The following SH3TC1 variants were observed in gnomAD, a reference collection of about 807,000 sequenced individuals.
SH3TC1 encodes SH3 domain and tetratricopeptide repeats 1.
Under a neutral mutation model 117.3 loss-of-function variants are expected in SH3TC1, and 135 were observed. The observed-to-expected ratio is 1.15, with a 90% CI of 1.00 to 1.33. The LOEUF (loss-of-function observed/expected upper bound fraction) is 1.33. Ranked by LOEUF, SH3TC1 falls within the 40% of genes most tolerant of loss-of-function variation. The probability of loss-of-function intolerance (pLI) is 0.00; values close to 1 mark genes in which losing one functional copy is unlikely to be tolerated. For missense variants in SH3TC1, 2,092 were observed against 1,794.3 expected, an observed-to-expected ratio of 1.17 and a Z score of -3.00; for synonymous variants, 898 against 816.9, an observed-to-expected ratio of 1.10 and a Z score of -1.69.
At chr4:8,211,238 T>A (rs1208619853) in intron 3 of SH3TC1, among the ~76,000 whole-genome samples, 1 of 40,448 alleles carries the variant, frequency 2.5e-5, no homozygotes. Context: ...GTTTCTCCCC[T>A]CTCCCTCCCT....
intron 8 of SH3TC1, 47 bp from the exon 9 acceptor site, chr4:8,219,288 C>A (rs1719660336): frequency 4.0e-6 from 6 of 1,501,494 alleles, no homozygotes; most frequent in Non-Finnish European, 3.6e-6. Flanking sequence ...CCCGCTCTGG[C>A]CCCCATTTGG....
rs1223600166 is a variant in SH3TC1 at position 8,209,388 on chromosome 4, G to C, written c.173-360G>C. Among the ~76,000 whole-genome samples, 6 of 152,216 alleles carry C rather than the reference G, an allele frequency of 3.9e-5. No individual in the cohort carries two copies. The highest frequency in any genetic ancestry group is 7.3e-5 in the Non-Finnish European group (5 of 68,038). On this transcript the variant is annotated intron_variant, in intron 2 of 17. Transcript: ENST00000245105. This position sits in a 1 kb window ranked among gnomAD's most constrained non-coding sequence, Gnocchi z 5.9. Reference sequence around the variant, plus strand: ...GGCCACAAGCCGAGGGACGTGTGCGGCCTCTTGAAGGCGAGGAGTGGATTC... The same window carrying C: ...GGCCACAAGCCGAGGGACGTGTGCGCCCTCTTGAAGGCGAGGAGTGGATTC...
At position 8,227,118 on chromosome 4, in the gene SH3TC1, T is replaced by A; in HGVS notation, c.1424T>A (p.Val475Glu). The change falls in exon 12 of 18, where the codon GTG (valine) becomes GAG (glutamate). Residue 475 changes from valine (V) to glutamate (E), a missense_variant. Coordinates refer to ENST00000245105, the MANE Select transcript of SH3TC1 (RefSeq NM_018986.5). ...GGTCTCTGTGCGGCATCCAGCGACG[T>A]GAGCTTGCAGGACCCCGAGGAGCCC... ...SWGLCAASSD[V>E]SLQDPEEPSF... 3 of 1,612,628 alleles carry A rather than the reference T, an allele frequency of 1.9e-6. No homozygotes were observed. Among genetic ancestry groups the A allele is most frequent in the Non-Finnish European group, 2.5e-6 (3 of 1,179,744 alleles).
rs1346202140 is a variant in SH3TC1, at chr4:8,227,000, A to G, written c.1306A>G (p.Ser436Gly). ...TGCAGAAATACCTCCACCTTGCCTG[A>G]GCCTGGAGCCACAGGAGACCTTGCA... is the stretch of plus-strand genomic sequence containing the variant. ...QEKEIPPPCLSLEPQETLQKV... is the reference protein window; with the variant it reads ...QEKEIPPPCLGLEPQETLQKV... Residue 436 changes from serine to glycine, a missense_variant, in exon 12 of 18, where the codon AGC becomes GGC. Transcript: ENST00000245105. 1.3e-6 allele frequency: 2 copies of G among 1,552,100 alleles called. No homozygotes were observed. The highest frequency in any genetic ancestry group is 1.7e-4 in the Middle Eastern group (1 of 5,780).
At chr4:8,228,758 CA>C in intron 12 of SH3TC1, 114 bp downstream of exon 12, 1 of 911,170 alleles carries the variant, frequency 1.1e-6, no homozygotes, top group Non-Finnish European at 1.6e-6. Flanking sequence ...AGTGCTGAGT[CA>C]TGGCAAACAG....
chr4:8,224,648 C>G (rs1720290142), intron 10 of SH3TC1: 1 of 154,020 alleles, frequency 6.5e-6, no homozygotes, highest in Non-Finnish European at 1.4e-5. Flanking sequence ...TAGTGTCAGC[C>G]ACTTTACGGG....
chr4:8,236,330 G>T lies in SH3TC1; in HGVS notation c.3458G>T (p.Arg1153Leu). The T allele has an allele frequency of 6.4e-7, 1 of 1,553,660 alleles. No homozygotes were observed. Among genetic ancestry groups the T allele is most frequent in the East Asian group, 2.4e-5 (1 of 41,342 alleles). ...ACGGGCAACCGCAAGGCGGAGCTGC[G>T]GCTGTGCAACAAGCTGGTGGCACTG... The part of the protein sequence containing the change: ...VTTGNRKAEL[R>L]LCNKLVALLA... Residue 1153 changes from arginine to leucine, a missense_variant, in exon 16 of 18, where the codon CGG becomes CTG. Transcript: ENST00000245105.
rs147811336 is a variant in SH3TC1 at position 8,231,455 on chromosome 4, G to A, written c.2951-521G>A. ...TGTTGCTGACACTAGAAAATCAGCA[G>A]CTTTCCACCGTTCCCAGCGCCTTGG... On this transcript the variant is annotated intron_variant, in intron 12 of 17. Transcript: ENST00000245105. The A allele has an allele frequency of 6.0e-3, 938 of 157,520 alleles. 27 individuals carry two copies. The South Asian group carries it at 0.071, about 12-fold the overall frequency. The allele number at this position is 157,520 out of a possible 1,614,324, so 9.8% of individuals were successfully genotyped here.
rs1010797203 is a variant in SH3TC1 at position 8,225,745 on chromosome 4, G to A, written c.1285+529G>A. On this transcript the variant is annotated intron_variant, in intron 11 of 17. Coordinates refer to ENST00000245105, the MANE Select transcript of SH3TC1 (RefSeq NM_018986.5). The surrounding 1 kb of genome is among the most constrained non-coding windows in gnomAD (Gnocchi z 5.5). ...CAGGGTCCGCATGGGGAGAGCCTGG[G>A]GATGTGGACACCCCAAGAGCCCTCG... is the stretch of plus-strand genomic sequence containing the variant. Among the ~76,000 whole-genome samples, 1 of 152,170 alleles carries A rather than the reference G, an allele frequency of 6.6e-6. No individual in the cohort carries two copies. Among genetic ancestry groups the A allele is most frequent in the African/African-American group, 2.4e-5 (1 of 41,440 alleles).
At chr4:8,211,506 C>T (rs532889724) in intron 3 of SH3TC1, among the ~76,000 whole-genome samples, 1 of 29,800 alleles carries the variant, frequency 3.4e-5, no homozygotes, top group East Asian at 0.013. Flanking sequence ...CTCCCCTCTC[C>T]CTGCTCTCCT....
chr4:8,202,806 A>G (rs1717927227), intron 1 of SH3TC1, among the ~76,000 whole-genome samples: 1 of 152,098 alleles, frequency 6.6e-6, no homozygotes, highest in African/African-American at 2.4e-5. Flanking sequence ...AACCTCCCTC[A>G]CGGAACCATC....
chr4:8,188,367 GC>G, intron 1 of SH3TC1, among the ~76,000 whole-genome samples: 1 of 152,330 alleles, frequency 6.6e-6, no homozygotes, highest in East Asian at 1.9e-4. Flanking sequence ...TTGGATCTGG[GC>G]AACACCGCCT....
chr4:8,214,646 GT>G, intron 5 of SH3TC1, 66 bp downstream of exon 5: 1 of 1,173,048 alleles, frequency 8.5e-7, no homozygotes, highest in East Asian at 2.3e-5. Flanking sequence ...GTTACACACC[GT>G]GCACTTAGAT....
chr4:8,232,267 C>A, intron 13 of SH3TC1, 111 bp downstream of exon 13: 1 of 1,447,076 alleles, frequency 6.9e-7, no homozygotes, highest in Non-Finnish European at 9.2e-7. Context: ...TCCTTGGGAT[C>A]ATTTGGTTCC....
Position 8,235,488 on chromosome 4 carries a change from T to G in SH3TC1, c.3338T>G (p.Phe1113Cys). The G allele has an allele frequency of 1.9e-6, 3 of 1,605,568 alleles. No homozygotes were observed. Among genetic ancestry groups the G allele is most frequent in the Non-Finnish European group, 2.6e-6 (3 of 1,175,192 alleles). ...TGDPNLGLEL[F>C]EAAGDIFFDG... ...GACCCCAACCTGGGGCTGGAGCTGT[T>G]TGAGGCGGCTGGAGACATCTTCTTC... The change falls in exon 15 of 18, where the codon TTT becomes TGT. Residue 1113 changes from phenylalanine to cysteine, a missense_variant. Phe to Cys is a radical substitution (Grantham distance 205). Coordinates refer to ENST00000245105, the MANE Select transcript of SH3TC1 (RefSeq NM_018986.5).
rs762767104 is a variant in SH3TC1 at position 8,227,528 on chromosome 4, C to T, written c.1834C>T (p.Arg612Trp). 9 of 1,535,932 alleles carry T rather than the reference C, an allele frequency of 5.9e-6. No individual in the cohort carries two copies. Among genetic ancestry groups the T allele is most frequent in the South Asian group, 2.6e-5 (2 of 77,122 alleles). ...GTACGCCAACCTGGCCAGCATTTAC[C>T]GGAAGCAGAAGAACCGGGAGAAGTG... ...AVYANLASIY[R>W]KQKNREKCAQ... Residue 612 changes from arginine to tryptophan, a missense_variant, in exon 12 of 18, where the codon CGG (arginine) becomes TGG (tryptophan). By Grantham distance (101) the Arg-to-Trp change is moderately radical. Coordinates refer to ENST00000245105, the MANE Select transcript of SH3TC1 (RefSeq NM_018986.5).
rs1485927378 is a variant in SH3TC1 at position 8,206,994 on chromosome 4, A to T, written c.172+1628A>T. Among the ~76,000 whole-genome samples, 1 of 151,118 alleles carries T rather than the reference A, an allele frequency of 6.6e-6. No individual in the cohort carries two copies. The highest frequency in any genetic ancestry group is 1.5e-5 in the Non-Finnish European group (1 of 67,932). On this transcript the variant is annotated intron_variant, in intron 2 of 17. Coordinates refer to ENST00000245105, the MANE Select transcript of SH3TC1 (RefSeq NM_018986.5). This position sits in a 1 kb window ranked among gnomAD's most constrained non-coding sequence, Gnocchi z 5.5. ...CCGCATTGTAATTATTTCAATGTTA[A>T]TTCCCTGCTTTTAATAACACCATCA... is the stretch of plus-strand genomic sequence containing the variant.
upstream of SH3TC1, among the ~76,000 whole-genome samples, chr4:8,195,673 G>A (rs116637658): frequency 6.6e-6 from 1 of 152,104 alleles, no homozygotes; most frequent in African/African-American, 2.4e-5. Context: ...TTTTTTCAAC[G>A]TAGCTTCCAG....
chr4:8,196,460 G>T (rs1304040353), upstream of SH3TC1, among the ~76,000 whole-genome samples: 1 of 152,150 alleles, frequency 6.6e-6, no homozygotes, highest in African/African-American at 2.4e-5. This position sits in a 1 kb window ranked among gnomAD's most constrained non-coding sequence, Gnocchi z 4.6. Flanking sequence ...CTGGGCACTG[G>T]GGTGGCAGAT....
Sources: allele counts gnomAD v4.1 joint callset (sites outside exome capture counted in the v4.1 genomes callset), GRCh38; gene constraint gnomAD v4.1.1; non-coding constraint Gnocchi (gnomAD v3.1); transcripts MANE v1.5; gene names NCBI Gene and HGNC (gene_info 2026-07-23, HGNC 2026-07-21).